TMEM266: variants seen among roughly 807,000 people sequenced by gnomAD.
TMEM266 encodes the protein transmembrane protein 266.
TMEM266 carries 33 observed loss-of-function variants against 50.5 expected under a neutral mutation model. The observed-to-expected ratio is 0.65, with a 90% CI of 0.50 to 0.87. The LOEUF (loss-of-function observed/expected upper bound fraction) is 0.87. Ranked by LOEUF, TMEM266 falls within the 40% of genes least tolerant of loss-of-function variation. The pLI is 0.00. For synonymous variants in TMEM266, 310 were observed against 292.3 expected, an observed-to-expected ratio of 1.06 and a Z score of -0.62; for missense variants, 655 against 695.1, an observed-to-expected ratio of 0.94 and a Z score of 0.65.
chr15:76,130,035 G>T (rs2037482179), intron 1 of TMEM266, among the ~76,000 whole-genome samples: 1 of 150,490 alleles, frequency 6.6e-6, no homozygotes, highest in Non-Finnish European at 1.5e-5. Context: ...ACCAGCCTGG[G>T]CAACATACTG....
chr15:76,203,707 T>C, intron 10 of TMEM266, 34 bp from the exon 11 acceptor site: 1 of 1,585,836 alleles, frequency 6.3e-7, no homozygotes, highest in Non-Finnish European at 8.6e-7. Context: ...TGGCAGAGGT[T>C]GAAGTGTGAC....
intron 4 of TMEM266, among the ~76,000 whole-genome samples, chr15:76,158,894 C>G (rs1008812506): frequency 6.6e-6 from 1 of 152,208 alleles, no homozygotes; most frequent in Non-Finnish European, 1.5e-5. Flanking sequence ...CCCCTGGCTA[C>G]GCTCTGTGAC....
Position 76,203,877 on chromosome 15 carries a change from GGA to G in TMEM266, c.1162_1163del (p.Ser388CysfsTer12). The stretch of plus-strand genomic sequence containing the variant: ...GCGGTAATGGCACCAGCGCCACCTC[GGA>G]GAGTGCCTCCCGCAGCTCAGTCACC... On this transcript the variant is annotated frameshift_variant, in exon 11 of 11. Transcript: ENST00000388942. LOFTEE classifies it high-confidence loss of function. 6 of 1,614,150 alleles carry G rather than the reference GGA, an allele frequency of 3.7e-6. No homozygotes were observed. The South Asian group carries it at 5.5e-5, about 15-fold the overall frequency.
chr15:76,203,905 C>T lies in TMEM266; in HGVS notation c.1186C>T (p.Arg396Trp), dbSNP rs777931400. ...GAGTGCCTCCCGCAGCTCAGTCACC[C>T]GGGCCCAGAGTGACAGCAGCCAGAC... The change falls in exon 11 of 11, where the codon CGG becomes TGG. Residue 396 changes from arginine (R) to tryptophan (W), a missense_variant. Physicochemically the swap from Arg to Trp is moderately radical, Grantham distance 101 (BLOSUM62 -3). Coordinates refer to ENST00000388942, the MANE Select transcript of TMEM266 (RefSeq NM_152335.3). 1.1e-4 allele frequency: 185 copies of T among 1,614,014 alleles called. 2 individuals are homozygous for T. The South Asian group carries it at 1.5e-3, about 13-fold the overall frequency.
intron 9 of TMEM266, among the ~76,000 whole-genome samples, chr15:76,196,683 C>T (rs1204999172): frequency 6.8e-6 from 1 of 147,388 alleles, no homozygotes; most frequent in African/African-American, 2.5e-5. Context: ...CACAGAGCCT[C>T]GGGAGGGCCG....
chr15:76,074,327 G>A (rs991762910), intron 1 of TMEM266, among the ~76,000 whole-genome samples: 6 of 151,640 alleles, frequency 4.0e-5, no homozygotes, highest in Non-Finnish European at 7.4e-5. Context: ...TGTATGGTTC[G>A]GGGTGTTAAG....
At chr15:76,191,516 G>T in intron 8 of TMEM266, 1 of 154,058 alleles carries the variant, frequency 6.5e-6, no homozygotes. Context: ...GTGACGCCAG[G>T]ATGGGGTCCC....
chr15:76,148,500 C>A (rs2037789960), intron 3 of TMEM266, among the ~76,000 whole-genome samples: 1 of 152,164 alleles, frequency 6.6e-6, no homozygotes, highest in African/African-American at 2.4e-5. Context: ...ACTTTACAGG[C>A]ACTTCATCCA....
chr15:76,129,505 G>C (rs1017434467), intron 1 of TMEM266, among the ~76,000 whole-genome samples: 2 of 152,082 alleles, frequency 1.3e-5, no homozygotes, highest in African/African-American at 4.8e-5. Flanking sequence ...GCCGGGCGTG[G>C]TGGTACATGC....
In TMEM266 at chr15:76,160,106, T is replaced by A; in HGVS notation, c.394T>A (p.Phe132Ile). The A allele has an allele frequency of 6.2e-7, 1 of 1,614,220 alleles. No individual in the cohort carries two copies. Among genetic ancestry groups the A allele is most frequent in the Non-Finnish European group, 8.5e-7 (1 of 1,180,016 alleles). Reference sequence around the variant, plus strand: ...CGTGTCCATTGCAGTTTCCAGCGCATTCCAGTTTGCTGGCGTGATTCACTG... The same window carrying A: ...CGTGTCCATTGCAGTTTCCAGCGCAATCCAGTTTGCTGGCGTGATTCACTG... The change falls in exon 5 of 11, where the codon TTC becomes ATC. Residue 132 changes from phenylalanine to isoleucine, a missense_variant. Phe to Ile is a conservative substitution (Grantham distance 21). Coordinates refer to ENST00000388942, the MANE Select transcript of TMEM266 (RefSeq NM_152335.3). This position sits in a 1 kb window ranked among gnomAD's most constrained non-coding sequence, Gnocchi z 5.7.
At chr15:76,150,472 T>C (rs557408701) in intron 3 of TMEM266, among the ~76,000 whole-genome samples, 11 of 152,310 alleles carry the variant, frequency 7.2e-5, no homozygotes, top group East Asian at 1.9e-4. Flanking sequence ...GCCGTGACTC[T>C]CCACTGCCTG....
chr15:76,156,467 C>A, intron 3 of TMEM266, 137 bp from the exon 4 acceptor site: 1 of 822,034 alleles, frequency 1.2e-6, no homozygotes, highest in Non-Finnish European at 1.9e-6. Flanking sequence ...GGTTGTGTTT[C>A]GCCATGAAGC....
intron 1 of TMEM266, among the ~76,000 whole-genome samples, chr15:76,116,896 CTTTTTTTTTTTTT>C (rs143849730): frequency 2.3e-5 from 3 of 131,662 alleles, no homozygotes; most frequent in Admixed American, 1.5e-4. Flanking sequence ...AGCATATCTT[CTTTTTTTTTTTTT>C]TTTTTTTGAG....
intron 6 of TMEM266, among the ~76,000 whole-genome samples, chr15:76,170,621 G>A (rs913303122): frequency 6.6e-6 from 1 of 152,206 alleles, no homozygotes; most frequent in Non-Finnish European, 1.5e-5. Flanking sequence ...CTCGGGGAAG[G>A]AGGCACCCTG....
chr15:76,105,392 A>G (rs970766613), intron 1 of TMEM266, among the ~76,000 whole-genome samples: 15 of 152,200 alleles, frequency 9.9e-5, no homozygotes, highest in Admixed American at 3.9e-4. Flanking sequence ...TGGTGCATCC[A>G]TACTTTGCTC....
chr15:76,120,338 C>G (rs1038113638), intron 1 of TMEM266, among the ~76,000 whole-genome samples: 3 of 151,820 alleles, frequency 2.0e-5, no homozygotes, highest in African/African-American at 7.3e-5. Context: ...TACTACCTGA[C>G]TTGGGGGAGG....
At chr15:76,063,223 G>T (rs993948444) in intron 1 of TMEM266, among the ~76,000 whole-genome samples, 4 of 152,110 alleles carry the variant, frequency 2.6e-5, no homozygotes, top group Non-Finnish European at 4.4e-5. Context: ...ATCTCATATT[G>T]CAGTGACCAC....
chr15:76,158,964 T>C (rs2037970430), intron 4 of TMEM266, among the ~76,000 whole-genome samples: 1 of 152,204 alleles, frequency 6.6e-6, no homozygotes, highest in Non-Finnish European at 1.5e-5. Context: ...GGTTGTGGGT[T>C]CCTCTGTTTC....
chr15:76,111,262 G>T (rs764878227), intron 1 of TMEM266, among the ~76,000 whole-genome samples: 9 of 151,264 alleles, frequency 5.9e-5, no homozygotes, highest in Non-Finnish European at 1.2e-4. Context: ...TGTATTTTTA[G>T]CAGAGACAGG....
Sources: allele counts gnomAD v4.1 joint callset (sites outside exome capture counted in the v4.1 genomes callset), GRCh38; gene constraint gnomAD v4.1.1; non-coding constraint Gnocchi (gnomAD v3.1); transcripts MANE v1.5; gene names NCBI Gene and HGNC (gene_info 2026-07-23, HGNC 2026-07-21).